Variants in MITF observed in about 807,000 individuals in gnomAD.
MITF encodes the protein melanocyte inducing transcription factor, also known as microphthalmia-associated transcription factor.
Under a neutral mutation model 60.5 loss-of-function variants are expected in MITF, and 17 were observed. The ratio of observed to expected loss-of-function variants is 0.28; its 90% CI spans 0.19 to 0.42. The LOEUF is 0.42. Among genes scored for constraint, MITF ranks in the 10% least tolerant of loss-of-function variants. The pLI is 1.00. For missense variants in MITF, 622 were observed against 683.5 expected (o/e 0.91, Z 1.00); for synonymous variants, 260 against 248.5 (o/e 1.05, Z -0.43).
chr3:69,877,463 A>C (rs1373749868), intron 1 of MITF, among the ~76,000 whole-genome samples: 1 of 152,096 alleles, frequency 6.6e-6, no homozygotes, highest in East Asian at 1.9e-4. Flanking sequence ...AAAAAAAAAA[A>C]AAACCTTGGA....
intron 1 of MITF, among the ~76,000 whole-genome samples, chr3:69,832,432 A>G (rs2063465355): frequency 6.6e-6 from 1 of 152,204 alleles, no homozygotes; most frequent in African/African-American, 2.4e-5. Flanking sequence ...CTTGGGCAAG[A>G]TCTTCTACAT....
chr3:69,895,810 G>T (rs903803449), intron 2 of MITF, among the ~76,000 whole-genome samples: 7 of 97,478 alleles, frequency 7.2e-5, no homozygotes, highest in African/African-American at 3.4e-4. Flanking sequence ...TGGAGTGTTT[G>T]TGTGTGTGTG....
chr3:69,931,764 C>T (rs1478253755), intron 2 of MITF, among the ~76,000 whole-genome samples: 1 of 152,158 alleles, frequency 6.6e-6, no homozygotes, highest in Non-Finnish European at 1.5e-5. Context: ...ACCTGGAATA[C>T]ACCCCTGGAT....
At chr3:69,773,972 A>C (rs1332225805) in intron 1 of MITF, among the ~76,000 whole-genome samples, 1 of 152,210 alleles carries the variant, frequency 6.6e-6, no homozygotes, top group Non-Finnish European at 1.5e-5. Context: ...TGGATAAGAC[A>C]GTAACTCATA....
At chr3:69,849,066 G>A (rs1015025812) in intron 1 of MITF, among the ~76,000 whole-genome samples, 1 of 141,270 alleles carries the variant, frequency 7.1e-6, no homozygotes, top group Non-Finnish European at 1.5e-5. Flanking sequence ...CCGGGTTCAC[G>A]CCATTCTCCT....
chr3:69,896,822 T>G (rs1439599000), intron 2 of MITF, among the ~76,000 whole-genome samples: 1 of 152,112 alleles, frequency 6.6e-6, no homozygotes, highest in East Asian at 1.9e-4. Flanking sequence ...GAAGGACAAG[T>G]AGGAAAGGGC....
rs148598809 is a variant in MITF at position 69,922,246 on chromosome 3, G to A, written c.355-15576G>A. ...TATGCCATTGCTTTTTTTTTCAGAC[G>A]GAGTCTCACTCTGTCGCCAGGCTGG... On this transcript the variant is annotated intron_variant, in intron 2 of 9. Transcript: ENST00000352241. 1.2e-3 allele frequency among the ~76,000 whole-genome samples: 176 copies of A among 151,332 alleles called. 1 individual carries two copies. Among genetic ancestry groups the A allele is most frequent in the Non-Finnish European group, 1.5e-3 (103 of 67,856 alleles).
chr3:69,940,295 G>A (rs1471846658), intron 4 of MITF, among the ~76,000 whole-genome samples: 1 of 152,128 alleles, frequency 6.6e-6, no homozygotes, highest in East Asian at 1.9e-4. Context: ...AGACAGAAGA[G>A]CATCCCTGTT....
rs533179025 is a variant in MITF, at chr3:69,938,284, C to T, written c.582+235C>T. 2.7e-5 allele frequency: 37 copies of T among 1,378,610 alleles called. No individual in the cohort carries two copies. The Admixed American group carries it at 2.9e-4, about 11-fold the overall frequency. The allele number at this position is 1,378,610 out of a possible 1,614,324, so 85.4% of individuals were successfully genotyped here. Reference sequence around the variant, plus strand: ...GCCCTCTCCAAGTGAAATGTGGAGGCGAGGACACTTTTGCCACTTGCTTCT... The same window carrying T: ...GCCCTCTCCAAGTGAAATGTGGAGGTGAGGACACTTTTGCCACTTGCTTCT... On this transcript the variant is annotated intron_variant, in intron 3 of 9. Coordinates refer to ENST00000352241, the MANE Select transcript of MITF (RefSeq NM_001354604.2).
At chr3:69,867,391 T>A (rs2064136239) in intron 1 of MITF, among the ~76,000 whole-genome samples, 1 of 152,200 alleles carries the variant, frequency 6.6e-6, no homozygotes, top group African/African-American at 2.4e-5. Context: ...TTTCAGTAGA[T>A]ACATCTTTAA....
chr3:69,933,823 A>G (rs1212542879), intron 2 of MITF, among the ~76,000 whole-genome samples: 1 of 152,164 alleles, frequency 6.6e-6, no homozygotes, highest in Non-Finnish European at 1.5e-5. Flanking sequence ...CTTTAATGCT[A>G]CATATATGTT....
At chr3:69,804,194 G>A (rs1251699540) in intron 1 of MITF, among the ~76,000 whole-genome samples, 1 of 152,146 alleles carries the variant, frequency 6.6e-6, no homozygotes, top group Non-Finnish European at 1.5e-5. Flanking sequence ...ATGAACAGTT[G>A]TTACGACAGA....
At chr3:69,900,292 A>G (rs533637968) in intron 2 of MITF, among the ~76,000 whole-genome samples, 1 of 152,246 alleles carries the variant, frequency 6.6e-6, no homozygotes, top group East Asian at 1.9e-4. Context: ...TGCATCAATA[A>G]TAACCGTCCT....
At chr3:69,817,418 A>T (rs2063198607) in intron 1 of MITF, among the ~76,000 whole-genome samples, 2 of 152,132 alleles carry the variant, frequency 1.3e-5, no homozygotes, top group Non-Finnish European at 2.9e-5. Flanking sequence ...GTTGAATTAA[A>T]CATGCAAGTT....
intron 2 of MITF, among the ~76,000 whole-genome samples, chr3:69,897,752 C>T (rs115517427): frequency 0.016 from 2,464 of 152,282 alleles, 66 homozygotes; most frequent in African/African-American, 0.055. Flanking sequence ...TTGCTCACTT[C>T]TGTATCCTGG....
At chr3:69,857,050 T>C (rs967020609) in intron 1 of MITF, among the ~76,000 whole-genome samples, 2 of 152,134 alleles carry the variant, frequency 1.3e-5, no homozygotes, top group Non-Finnish European at 2.9e-5. Flanking sequence ...TGAATAGTTA[T>C]TGAGTGCCTT....
chr3:69,884,743 T>G (rs1042264458), intron 2 of MITF, among the ~76,000 whole-genome samples: 3 of 152,202 alleles, frequency 2.0e-5, no homozygotes, highest in Admixed American at 2.0e-4. Flanking sequence ...TAAGTGCTTT[T>G]GGATTCATGT....
At chr3:69,776,922 T>C (rs1374553254) in intron 1 of MITF, among the ~76,000 whole-genome samples, 2 of 152,220 alleles carry the variant, frequency 1.3e-5, no homozygotes. Context: ...CGAAGTGAAT[T>C]CCACAAACAC....
chr3:69,797,383 G>T (rs534321931), intron 1 of MITF, among the ~76,000 whole-genome samples: 13 of 151,972 alleles, frequency 8.6e-5, no homozygotes, highest in Non-Finnish European at 1.9e-4. Context: ...TTATACTAAA[G>T]ATCATTTATT....
Sources: gnomAD v4.1 joint callset for allele counts (sites outside exome capture counted in the v4.1 genomes callset) on GRCh38, gnomAD v4.1.1 for gene constraint, MANE v1.5 for transcripts, NCBI Gene and HGNC (gene_info 2026-07-23, HGNC 2026-07-21) for gene names.